The following ERC2 variants were observed in gnomAD, a reference collection of about 807,000 sequenced individuals.
ERC2 encodes the protein ERC protein 2.
A neutral mutation model predicts 114.8 loss-of-function variants in ERC2; 42 were observed. The ratio of observed to expected loss-of-function variants is 0.37; its 90% CI spans 0.29 to 0.47. The LOEUF (loss-of-function observed/expected upper bound fraction) is 0.47. ERC2 is among the 20% of genes least tolerant of loss of function. ERC2 has a pLI of 0.99. For missense variants in ERC2, 939 were observed against 1,150.7 expected, an observed-to-expected ratio of 0.82 and a Z score of 2.66; for synonymous variants, 454 against 425.5, an observed-to-expected ratio of 1.07 and a Z score of -0.82.
At chr3:55,539,767 T>C (rs767465699) in intron 17 of ERC2, among the ~76,000 whole-genome samples, 23 of 152,084 alleles carry the variant, frequency 1.5e-4, no homozygotes, top group Non-Finnish European at 2.8e-4. Flanking sequence ...AGTCCTGCAA[T>C]AAAAACAATA....
intron 12 of ERC2, among the ~76,000 whole-genome samples, chr3:55,965,172 G>A (rs540018258): frequency 1.3e-5 from 2 of 152,302 alleles, no homozygotes; most frequent in Admixed American, 1.3e-4. Flanking sequence ...ATACAAGGGT[G>A]TGAAAACCAG....
chr3:56,068,376 G>A (rs1236882374), intron 7 of ERC2, among the ~76,000 whole-genome samples: 2 of 152,164 alleles, frequency 1.3e-5, no homozygotes, highest in Non-Finnish European at 2.9e-5. Flanking sequence ...TGTGGGGTCA[G>A]TGGTGATATC....
chr3:56,118,621 A>G (rs1221608214), intron 6 of ERC2, among the ~76,000 whole-genome samples: 1 of 150,018 alleles, frequency 6.7e-6, no homozygotes, highest in East Asian at 1.9e-4. Context: ...GGAAGTTCAC[A>G]CTAATATTCC....
intron 8 of ERC2, among the ~76,000 whole-genome samples, chr3:56,015,382 C>A (rs1023756408): frequency 2.0e-5 from 3 of 150,152 alleles, no homozygotes; most frequent in African/African-American, 7.4e-5. Flanking sequence ...TTCCAACAGG[C>A]CCCAGTGTGT....
chr3:55,538,345 T>C (rs1331671679), intron 17 of ERC2, among the ~76,000 whole-genome samples: 1 of 152,166 alleles, frequency 6.6e-6, no homozygotes, highest in Non-Finnish European at 1.5e-5. Flanking sequence ...TCCAACTCTG[T>C]GTGTGGGTCA....
rs1178172687 is a variant in ERC2 at position 56,170,585 on chromosome 3, G to GTTTTT, written c.1149+2856_1149+2860dup. ...CAATTTAGTCTAAGAAATCTCTTCT[G>GTTTTT]TTTTTTTTTTTTTTTTTTTTTTTTT... On this transcript the variant is annotated intron_variant, in intron 4 of 17. Transcript: ENST00000288221. Among the ~76,000 whole-genome samples the GTTTTT allele has an allele frequency of 3.9e-4, 24 of 61,762 alleles. 2 individuals carry two copies. The highest frequency in any genetic ancestry group is 1.1e-3 in the African/African-American group (18 of 16,168). 40.5% of individuals were successfully genotyped at this position (61,762 alleles called of 152,430 possible).
At chr3:56,204,057 G>T (rs1197137868) in intron 3 of ERC2, among the ~76,000 whole-genome samples, 2 of 152,168 alleles carry the variant, frequency 1.3e-5, no homozygotes. Context: ...GGGCGTGGTG[G>T]CAGTCACCTG....
At chr3:55,797,618 G>A (rs1255568112) in intron 14 of ERC2, among the ~76,000 whole-genome samples, 3 of 152,162 alleles carry the variant, frequency 2.0e-5, no homozygotes, top group Admixed American at 6.5e-5. Context: ...ACGAGAATAA[G>A]TGCAAATTTA....
rs77139061 is a variant in ERC2, at chr3:56,069,816, C to G, written c.1641+11001G>C. ...TGTTATGACAAAGGCTCCAAATTGCCATATAGTTTGTGCCATTAATTTAGA... is the reference window on the plus strand; with the variant it reads ...TGTTATGACAAAGGCTCCAAATTGCGATATAGTTTGTGCCATTAATTTAGA... On this transcript the variant is annotated intron_variant, in intron 7 of 17. Transcript: ENST00000288221. Among the ~76,000 whole-genome samples the G allele has an allele frequency of 4.7e-3, 716 of 152,190 alleles. 6 individuals carry two copies. Among genetic ancestry groups the G allele is most frequent in the African/African-American group, 0.017 (686 of 41,518 alleles).
intron 6 of ERC2, among the ~76,000 whole-genome samples, chr3:56,117,342 C>T (rs1330085044): frequency 6.6e-6 from 1 of 152,188 alleles, no homozygotes; most frequent in African/African-American, 2.4e-5. Flanking sequence ...TATGCTATTA[C>T]CTGGATTTCC....
At chr3:55,567,079 A>G (rs936727164) in intron 17 of ERC2, among the ~76,000 whole-genome samples, 5 of 152,248 alleles carry the variant, frequency 3.3e-5, no homozygotes, top group Non-Finnish European at 5.9e-5. Context: ...GAAATAAGAG[A>G]AGACCATATT....
chr3:56,149,500 T>A (rs2149951119), intron 4 of ERC2, among the ~76,000 whole-genome samples: 1 of 152,342 alleles, frequency 6.6e-6, no homozygotes, highest in African/African-American at 2.4e-5. Context: ...CCTGTGTATA[T>A]TTTTGAATCT....
At chr3:55,930,913 A>T (rs942527254) in intron 13 of ERC2, among the ~76,000 whole-genome samples, 1 of 152,134 alleles carries the variant, frequency 6.6e-6, no homozygotes, top group African/African-American at 2.4e-5. Context: ...TACAGGAAAA[A>T]AAACAACCCC....
intron 9 of ERC2, among the ~76,000 whole-genome samples, chr3:56,009,623 A>C (rs897384034): frequency 2.6e-5 from 4 of 152,156 alleles, no homozygotes; most frequent in Admixed American, 1.3e-4. Context: ...AGCAGACAAA[A>C]GTAAGTGTGA....
rs181005050 is a variant in ERC2, at chr3:56,340,415, G to T, written c.658-43980C>A. On this transcript the variant is annotated intron_variant, in intron 2 of 17. Coordinates refer to ENST00000288221, the MANE Select transcript of ERC2 (RefSeq NM_015576.3). ...TCAGCAGGGTATCAAAATCCCTTAA[G>T]ATAAAGGCAGGTGTTTCCTGAAATT... Among the ~76,000 whole-genome samples, 40 of 152,234 alleles carry T rather than the reference G, an allele frequency of 2.6e-4. No homozygotes were observed. In the East Asian group the frequency reaches 7.5e-3, roughly 29 times the overall value.
intron 13 of ERC2, among the ~76,000 whole-genome samples, chr3:55,927,883 T>C (rs1434407860): frequency 6.6e-6 from 1 of 152,172 alleles, no homozygotes; most frequent in African/African-American, 2.4e-5. Context: ...CCTGGCTTAT[T>C]TTACATCACA....
intron 14 of ERC2, among the ~76,000 whole-genome samples, chr3:55,808,731 A>G (rs902812787): frequency 8.6e-5 from 10 of 116,648 alleles, no homozygotes; most frequent in Non-Finnish European, 1.6e-4. Context: ...ATATATATAT[A>G]TATATATATA....
chr3:56,394,656 C>A (rs1047610899), intron 2 of ERC2, among the ~76,000 whole-genome samples: 5 of 152,092 alleles, frequency 3.3e-5, no homozygotes, highest in Non-Finnish European at 7.4e-5. Flanking sequence ...AAACTAAAAT[C>A]ACAATGAGAT....
At chr3:56,024,683 C>T (rs77445471) in intron 7 of ERC2, among the ~76,000 whole-genome samples, 2,321 of 152,328 alleles carry the variant, frequency 0.015, 18 homozygotes, top group African/African-American at 0.032. Flanking sequence ...CAGAACAAAG[C>T]TTGGAGTCTG....
Sources: allele counts gnomAD v4.1 joint callset (sites outside exome capture counted in the v4.1 genomes callset), GRCh38; gene constraint gnomAD v4.1.1; transcripts MANE v1.5; gene names NCBI Gene and HGNC (gene_info 2026-07-23, HGNC 2026-07-21).